Variants in PITPNM2 observed in about 807,000 individuals in gnomAD.
PITPNM2 encodes membrane-associated phosphatidylinositol transfer protein 2.
A neutral mutation model predicts 132.2 loss-of-function variants in PITPNM2; 35 were observed. That is an observed-to-expected ratio of 0.26 (90% CI 0.20 to 0.35). The LOEUF is 0.35. Ranked by LOEUF, PITPNM2 falls within the 10% of genes least tolerant of loss-of-function variation. PITPNM2 has a pLI of 1.00. For missense variants in PITPNM2, 1,332 were observed against 1,912.0 expected, an observed-to-expected ratio of 0.70 and a Z score of 5.66; for synonymous variants, 738 against 799.2, an observed-to-expected ratio of 0.92 and a Z score of 1.29.
intron 2 of PITPNM2, among the ~76,000 whole-genome samples, chr12:123,049,890 A>T (rs2040801848): frequency 6.6e-6 from 1 of 152,244 alleles, no homozygotes; most frequent in Non-Finnish European, 1.5e-5. Flanking sequence ...CAAGAAGGGT[A>T]ATTGGCAAAT....
intron 2 of PITPNM2, among the ~76,000 whole-genome samples, chr12:123,041,927 C>A (rs566659964): frequency 6.6e-6 from 1 of 152,046 alleles, no homozygotes; most frequent in South Asian, 2.1e-4. Context: ...CTGGCATTCA[C>A]GACCCTAGAA....
rs929963609 is a variant in PITPNM2, at chr12:123,077,836, T to C, written c.-96+32549A>G. On this transcript the variant is annotated intron_variant, in intron 2 of 25. Transcript: ENST00000320201. The surrounding 1 kb of genome is among the most constrained non-coding windows in gnomAD (Gnocchi z 4.8). Reference sequence around the variant, plus strand: ...TGAGGGAAGGGGTGGGGGGACAAAGTATCAGAGCCAGGAGGTGTGCACCAC... The same window carrying C: ...TGAGGGAAGGGGTGGGGGGACAAAGCATCAGAGCCAGGAGGTGTGCACCAC... Among the ~76,000 whole-genome samples, 3 of 151,726 alleles carry C rather than the reference T, an allele frequency of 2.0e-5. No homozygotes were observed. The highest frequency in any genetic ancestry group is 4.4e-5 in the Non-Finnish European group (3 of 67,906).
intron 2 of PITPNM2, among the ~76,000 whole-genome samples, chr12:123,040,661 C>T (rs1038895389): frequency 6.6e-5 from 10 of 151,086 alleles, no homozygotes; most frequent in African/African-American, 2.2e-4. Context: ...TAATTTTTAC[C>T]TTAAAAACTC....
intron 3 of PITPNM2, among the ~76,000 whole-genome samples, chr12:123,017,369 C>CAA (rs369237271): frequency 7.7e-5 from 7 of 90,732 alleles, no homozygotes; most frequent in South Asian, 3.6e-4. Flanking sequence ...GACTCCATCT[C>CAA]AAAAAAAAAA....
chr12:123,096,088 C>A (rs962182294), intron 2 of PITPNM2, among the ~76,000 whole-genome samples: 2 of 152,260 alleles, frequency 1.3e-5, no homozygotes, highest in Admixed American at 1.3e-4. Flanking sequence ...GCTCAGGGAG[C>A]CAAAGTGGCC....
Position 122,985,946 on chromosome 12 carries a change from G to C in PITPNM2, c.*81C>G. On this transcript the variant is annotated 3_prime_UTR_variant, in exon 26 of 26. Coordinates refer to ENST00000320201, the MANE Select transcript of PITPNM2 (RefSeq NM_020845.3). ...CAATCTCCCAGGCCCACGTCAGTGC[G>C]TGTGCCCAGGCCAGGCCTCCTGGCG... 2.4e-6 allele frequency: 3 copies of C among 1,255,566 alleles called. No homozygotes were observed. Among genetic ancestry groups the C allele is most frequent in the Non-Finnish European group, 3.1e-6 (3 of 973,764 alleles). 77.8% of individuals were successfully genotyped at this position (1,255,566 alleles called of 1,614,324 possible). A position where few individuals can be genotyped will look rare whatever the true frequency, so the allele number is the denominator to read the frequency against.
At position 123,111,263 on chromosome 12, in the gene PITPNM2, G is replaced by A. The variant is rs1387758400; in HGVS notation, c.-199-775C>T. On this transcript the variant is annotated intron_variant, in intron 1 of 25. Coordinates refer to ENST00000320201, the MANE Select transcript of PITPNM2 (RefSeq NM_020845.3). The surrounding 1 kb of genome is among the most constrained non-coding windows in gnomAD (Gnocchi z 4.1). Reference sequence around the variant, plus strand: ...ACACACATACAAGCCTCCTGACCCTGGGCCCAGAGAGCAGGTAGCAGCCTA... The same window carrying A: ...ACACACATACAAGCCTCCTGACCCTAGGCCCAGAGAGCAGGTAGCAGCCTA... 2.0e-5 allele frequency among the ~76,000 whole-genome samples: 3 copies of A among 152,178 alleles called. No homozygotes were observed. Among genetic ancestry groups the A allele is most frequent in the Non-Finnish European group, 4.4e-5 (3 of 68,032 alleles).
chr12:123,074,278 T>G (rs778015381), intron 2 of PITPNM2, among the ~76,000 whole-genome samples: 1 of 152,192 alleles, frequency 6.6e-6, no homozygotes, highest in Non-Finnish European at 1.5e-5. Context: ...AAGATCCCAG[T>G]GCAGACATAG....
intron 2 of PITPNM2, among the ~76,000 whole-genome samples, chr12:123,085,998 G>C (rs1328724400): frequency 2.0e-5 from 3 of 152,220 alleles, no homozygotes; most frequent in Non-Finnish European, 4.4e-5. Context: ...TCCCTGGAAG[G>C]CACCTCCTGG....
intron 1 of PITPNM2, among the ~76,000 whole-genome samples, chr12:123,136,812 G>A (rs558794444): frequency 6.6e-6 from 1 of 152,286 alleles, no homozygotes; most frequent in South Asian, 2.1e-4. Context: ...CAGAAGAATC[G>A]CTTGAACTCA....
chr12:123,044,788 C>G (rs769739903), intron 2 of PITPNM2, among the ~76,000 whole-genome samples: 1 of 152,086 alleles, frequency 6.6e-6, no homozygotes, highest in Non-Finnish European at 1.5e-5. Context: ...ACTTTTTTAT[C>G]ATTAATTTTT....
Position 123,014,008 on chromosome 12 carries a change from C to T in PITPNM2, c.113G>A (p.Ser38Asn), listed in dbSNP as rs1255308089. 3.1e-6 allele frequency: 5 copies of T among 1,614,260 alleles called. No homozygotes were observed. Among genetic ancestry groups the T allele is most frequent in the Non-Finnish European group, 4.2e-6 (5 of 1,180,048 alleles). Residue 38 changes from serine (S) to asparagine (N), a missense_variant, in exon 4 of 26, where the codon AGC becomes AAC. By Grantham distance (46) the Ser-to-Asn change is conservative. This residue lies in a region of PITPNM2 where 83 missense variants were observed against 118.7 expected (regional missense o/e 0.70). Transcript: ENST00000320201. Reference protein sequence around the residue: ...KSRNETYGEGSGVEILENRPY... With the variant: ...KSRNETYGEGNGVEILENRPY... ...CCGGTTCTCCAGGATCTCCACGCCG[C>T]TGCCTTCGCCATATGTCTCGTTACG...
chr12:123,140,653 C>T (rs1043852270), intron 1 of PITPNM2, among the ~76,000 whole-genome samples: 2 of 152,024 alleles, frequency 1.3e-5, no homozygotes, highest in African/African-American at 4.8e-5. Flanking sequence ...ACGTTGTTCT[C>T]CCTTAAAGGG....
At position 123,000,927 on chromosome 12, in the gene PITPNM2, G is replaced by C; in HGVS notation, c.1154-79C>G. On this transcript the variant is annotated intron_variant, in intron 9 of 25. Transcript: ENST00000320201. This position sits in a 1 kb window ranked among gnomAD's most constrained non-coding sequence, Gnocchi z 5.4. ...ACCGGACAGAGGCTGCAACTGTGAC[G>C]AGGGGAGCTTGGGGGTCCCCAACTC... The C allele has an allele frequency of 1.3e-6, 2 of 1,573,672 alleles. No homozygotes were observed. Among genetic ancestry groups the C allele is most frequent in the Non-Finnish European group, 1.7e-6 (2 of 1,144,350 alleles).
Position 123,040,910 on chromosome 12 carries a change from G to A in PITPNM2, c.-95-6225C>T, listed in dbSNP as rs117902632. ...TTTGTATGAAGAGTGTGGAATAAACGTTGACTGAATGCTGGAGAGGGTTCC... is the reference window on the plus strand; with the variant it reads ...TTTGTATGAAGAGTGTGGAATAAACATTGACTGAATGCTGGAGAGGGTTCC... On this transcript the variant is annotated intron_variant, in intron 2 of 25. Coordinates refer to ENST00000320201, the MANE Select transcript of PITPNM2 (RefSeq NM_020845.3). Among the ~76,000 whole-genome samples the A allele has an allele frequency of 1.1e-3, 161 of 152,268 alleles. 1 individual carries two copies. The East Asian group carries it at 0.024, about 22-fold the overall frequency.
At chr12:123,061,941 G>A (rs2041249937) in intron 2 of PITPNM2, among the ~76,000 whole-genome samples, 2 of 152,176 alleles carry the variant, frequency 1.3e-5, no homozygotes, top group South Asian at 4.1e-4. Flanking sequence ...GGAAGGCACA[G>A]GTGTTCTAAC....
At chr12:123,119,126 G>A (rs187056761) in intron 1 of PITPNM2, among the ~76,000 whole-genome samples, 14 of 152,270 alleles carry the variant, frequency 9.2e-5, no homozygotes, top group Admixed American at 2.6e-4. Context: ...CAGGACTCAA[G>A]TGATCCAACA....
Position 123,010,013 on chromosome 12 carries a change from C to G in PITPNM2, c.480G>C (p.Lys160Asn). The change falls in exon 6 of 26, where the codon AAG (lysine) becomes AAC (asparagine). Residue 160 changes from lysine to asparagine, a missense_variant. Physicochemically the swap from Lys to Asn is moderately conservative, Grantham distance 94. Around this residue, in one of 6 missense-constraint regions of PITPNM2, gnomAD observed 122 missense variants for 209.6 expected, o/e 0.58. Transcript: ENST00000320201. ...HNEYKTEEDP[K>N]LFQSTKTQRG... ...GCTGGGTCTTGGTTGACTGGAACAG[C>G]TTGGGGTCCTCTTCTGTCTTATACT... is the stretch of plus-strand genomic sequence containing the variant. 6.2e-7 allele frequency: 1 copy of G among 1,614,228 alleles called. No individual in the cohort carries two copies. The highest frequency in any genetic ancestry group is 8.5e-7 in the Non-Finnish European group (1 of 1,180,040).
chr12:122,995,367 C>T lies in PITPNM2; in HGVS notation c.2054+22G>A, dbSNP rs1266299712. 3.2e-6 allele frequency: 5 copies of T among 1,565,222 alleles called. No homozygotes were observed. The South Asian group carries it at 6.0e-5, about 19-fold the overall frequency. ...CTCTTCCCACACCCAGAGGCAAGCCCCAGCCCCCCAGCCCTGCCCACCTGG... is the reference window on the plus strand; with the variant it reads ...CTCTTCCCACACCCAGAGGCAAGCCTCAGCCCCCCAGCCCTGCCCACCTGG... On this transcript the variant is annotated intron_variant, in intron 14 of 25. Transcript: ENST00000320201.
Sources: allele counts gnomAD v4.1 joint callset (sites outside exome capture counted in the v4.1 genomes callset), GRCh38; gene constraint gnomAD v4.1.1; regional missense constraint gnomAD v4.1.1; non-coding constraint Gnocchi (gnomAD v3.1); transcripts MANE v1.5; gene names NCBI Gene and HGNC (gene_info 2026-07-23, HGNC 2026-07-21).